Variants in SBNO1 observed in about 807,000 individuals in gnomAD.
The protein encoded by SBNO1 is strawberry notch homolog 1.
Under a neutral mutation model 173.6 loss-of-function variants are expected in SBNO1, and 23 were observed. The ratio of observed to expected loss-of-function variants is 0.13; its 90% CI spans 0.10 to 0.19. The LOEUF is 0.19. SBNO1 is among the 10% of genes least tolerant of loss of function. The pLI is 1.00. For missense variants in SBNO1, 1,238 were observed against 1,671.2 expected (o/e 0.74, Z 4.52); for synonymous variants, 632 against 571.5 (o/e 1.11, Z -1.51).
chr12:123,361,906 C>T (rs1486629573), intron 1 of SBNO1, among the ~76,000 whole-genome samples: 1 of 151,400 alleles, frequency 6.6e-6, no homozygotes, highest in East Asian at 2.0e-4. Flanking sequence ...TTTGGGAGGC[C>T]GAGGCAGGCG....
intron 5 of SBNO1, 72 bp downstream of exon 5, chr12:123,340,916 C>G: frequency 1.1e-6 from 1 of 931,760 alleles, no homozygotes; most frequent in Non-Finnish European, 1.7e-6. Flanking sequence ...AGGGTTGTTC[C>G]ATATAGAACA....
At chr12:123,328,608 T>C (rs1013437191) in intron 10 of SBNO1, 126 bp downstream of exon 10, 14 of 696,642 alleles carry the variant, frequency 2.0e-5, no homozygotes, top group African/African-American at 3.6e-5. Context: ...CTTTGGACTC[T>C]AGGTAATCAT....
At chr12:123,323,093 A>G (rs1378101523) in intron 16 of SBNO1, among the ~76,000 whole-genome samples, 1 of 152,212 alleles carries the variant, frequency 6.6e-6, no homozygotes, top group African/African-American at 2.4e-5. Context: ...TTGGAAAAAT[A>G]AGACCTAATT....
intron 10 of SBNO1, 94 bp from the exon 11 acceptor site, chr12:123,328,121 TCTG>T (rs1870796295): frequency 3.1e-6 from 3 of 962,574 alleles, no homozygotes. Flanking sequence ...CCTGAGGCCT[TCTG>T]ATTGCCTATT....
At chr12:123,344,276 T>C (rs1392793793) in intron 4 of SBNO1, among the ~76,000 whole-genome samples, 2 of 151,948 alleles carry the variant, frequency 1.3e-5, no homozygotes, top group African/African-American at 2.4e-5. Context: ...CGGCAGAAAA[T>C]GGTATCAGTC....
chr12:123,298,252 T>A, intron 30 of SBNO1, 81 bp from the exon 31 acceptor site: 6 of 1,334,526 alleles, frequency 4.5e-6, no homozygotes, highest in Non-Finnish European at 6.2e-6. Flanking sequence ...CAAGGTCAAC[T>A]CAAATTTCTT....
chr12:123,325,283 G>A (rs1455386581), intron 15 of SBNO1, among the ~76,000 whole-genome samples: 2 of 152,194 alleles, frequency 1.3e-5, no homozygotes, highest in African/African-American at 4.8e-5. Flanking sequence ...CATACTCTGT[G>A]TAATATTAGC....
Position 123,293,162 on chromosome 12 carries a change from T to C in SBNO1, c.*2746A>G, listed in dbSNP as rs1459030079. 1 of 152,210 alleles carries C rather than the reference T, an allele frequency of 6.6e-6. No homozygotes were observed. The highest frequency in any genetic ancestry group is 1.9e-4 in the East Asian group (1 of 5,200). The allele number at this position is 152,210 out of a possible 1,614,324, so 9.4% of individuals were successfully genotyped here. A position where few individuals can be genotyped will look rare whatever the true frequency, so the allele number is the denominator to read the frequency against. ...GACATGGGGTTAATTAAACAAGGCC[T>C]CTGAATTCAGGTGTGGCATTTAGAT... On this transcript the variant is annotated 3_prime_UTR_variant, in exon 32 of 32. Coordinates refer to ENST00000602398, the MANE Select transcript of SBNO1 (RefSeq NM_001167856.3).
At chr12:123,361,233 G>A (rs1875120080) in intron 1 of SBNO1, among the ~76,000 whole-genome samples, 1 of 143,658 alleles carries the variant, frequency 7.0e-6, no homozygotes, top group Non-Finnish European at 1.5e-5. Context: ...AACAAAGTGA[G>A]ACTCCGTCTC....
At chr12:123,318,482 C>T (rs986549283) in intron 20 of SBNO1, among the ~76,000 whole-genome samples, 7 of 151,796 alleles carry the variant, frequency 4.6e-5, no homozygotes, top group Admixed American at 3.3e-4. Flanking sequence ...CCTATAATCC[C>T]AGCATTTTGG....
intron 28 of SBNO1, among the ~76,000 whole-genome samples, chr12:123,308,630 G>T (rs762679296): frequency 6.6e-6 from 1 of 151,984 alleles, no homozygotes; most frequent in Non-Finnish European, 1.5e-5. Flanking sequence ...AGCCGAGATC[G>T]CACCACTGCA....
rs569418141 is a variant in SBNO1 at position 123,336,547 on chromosome 12, A to C, written c.652-56T>G. 1.2e-5 allele frequency: 13 copies of C among 1,103,212 alleles called. No homozygotes were observed. The Admixed American group carries it at 1.2e-4, about 10-fold the overall frequency. 68.3% of individuals were successfully genotyped at this position (1,103,212 alleles called of 1,614,324 possible). ...AAATCCAGGGACCAGACGCCCAGCC[A>C]ACACACAGAAAAACTCTCTTGTAGG... is the stretch of plus-strand genomic sequence containing the variant. On this transcript the variant is annotated intron_variant, in intron 5 of 31. Transcript: ENST00000602398.
intron 4 of SBNO1, among the ~76,000 whole-genome samples, chr12:123,342,111 C>T (rs1872638156): frequency 6.6e-6 from 1 of 151,938 alleles, no homozygotes; most frequent in Non-Finnish European, 1.5e-5. Flanking sequence ...ATTAGCCGGG[C>T]ATGGTGGCGC....
intron 1 of SBNO1, among the ~76,000 whole-genome samples, chr12:123,358,894 G>A (rs535803646): frequency 6.6e-6 from 1 of 152,006 alleles, no homozygotes; most frequent in South Asian, 2.1e-4. Context: ...AACTACTGAT[G>A]ACAACACATT....
intron 15 of SBNO1, among the ~76,000 whole-genome samples, 197 bp downstream of exon 15, chr12:123,325,305 C>A (rs546180692): frequency 6.6e-6 from 1 of 152,240 alleles, no homozygotes; most frequent in South Asian, 2.1e-4. Context: ...AAATGCTTAA[C>A]ATTTTAGGAT....
At chr12:123,358,984 G>C (rs529623195) in intron 1 of SBNO1, among the ~76,000 whole-genome samples, 2 of 151,596 alleles carry the variant, frequency 1.3e-5, no homozygotes, top group African/African-American at 2.4e-5. Context: ...CCAGGATGGA[G>C]GGCAGAGGCG....
intron 1 of SBNO1, among the ~76,000 whole-genome samples, chr12:123,362,266 C>T (rs912649577): frequency 1.3e-5 from 2 of 151,148 alleles, no homozygotes; most frequent in Admixed American, 1.3e-4. Flanking sequence ...GAAACCCCGT[C>T]TCTACTAAAA....
At chr12:123,326,988 CTGTT>C (rs1049564570) in intron 13 of SBNO1, among the ~76,000 whole-genome samples, 19 of 152,028 alleles carry the variant, frequency 1.2e-4, no homozygotes, top group African/African-American at 1.9e-4. Flanking sequence ...GGTAACTCAT[CTGTT>C]TGTTTTTGTT....
intron 24 of SBNO1, among the ~76,000 whole-genome samples, chr12:123,313,003 G>A (rs1868780931): frequency 6.6e-6 from 1 of 151,944 alleles, no homozygotes; most frequent in African/African-American, 2.4e-5. Flanking sequence ...AGGAGATCGA[G>A]ACCATCCTGG....
Sources: gnomAD v4.1 joint callset for allele counts (sites outside exome capture counted in the v4.1 genomes callset) on GRCh38, gnomAD v4.1.1 for gene constraint, MANE v1.5 for transcripts, NCBI Gene and HGNC (gene_info 2026-07-23, HGNC 2026-07-21) for gene names.